ASAP2: variants seen among roughly 807,000 people sequenced by gnomAD.
The protein encoded by ASAP2 is arf-GAP with SH3 domain, ANK repeat and PH domain-containing protein 2.
Under a neutral mutation model 131.4 loss-of-function variants are expected in ASAP2, and 45 were observed. That is an observed-to-expected ratio of 0.34 (90% CI 0.27 to 0.44). ASAP2 has a LOEUF of 0.44. ASAP2 is among the 20% of genes least tolerant of loss of function. The pLI is 1.00. For missense variants in ASAP2, 1,011 were observed against 1,297.0 expected, an observed-to-expected ratio of 0.78 and a Z score of 3.39; for synonymous variants, 510 against 503.0, an observed-to-expected ratio of 1.01 and a Z score of -0.19.
intron 1 of ASAP2, 78 bp from the exon 2 acceptor site, chr2:9,279,239 T>C (rs1666965226): frequency 7.3e-7 from 1 of 1,369,866 alleles, no homozygotes. Context: ...GCAATCAGAG[T>C]GGCACTCAAC....
At chr2:9,305,534 GTAA>G (rs1572402278) in intron 3 of ASAP2, among the ~76,000 whole-genome samples, 2 of 146,066 alleles carry the variant, frequency 1.4e-5, no homozygotes, top group African/African-American at 2.5e-5. Flanking sequence ...TGGAGGGGCT[GTAA>G]TAGTGGGGTA....
chr2:9,222,786 G>A (rs1205873557), intron 1 of ASAP2, among the ~76,000 whole-genome samples: 3 of 152,110 alleles, frequency 2.0e-5, no homozygotes, highest in Non-Finnish European at 4.4e-5. Flanking sequence ...AGGAGAAATG[G>A]CCGTTCACCT....
intron 15 of ASAP2, among the ~76,000 whole-genome samples, chr2:9,365,010 A>G (rs1275383710): frequency 1.3e-5 from 2 of 152,108 alleles, no homozygotes; most frequent in East Asian, 1.9e-4. Context: ...GATTCTGAAC[A>G]TTTTTTAAAC....
intron 3 of ASAP2, among the ~76,000 whole-genome samples, chr2:9,316,850 G>A (rs1427744555): frequency 1.3e-5 from 2 of 151,932 alleles, no homozygotes; most frequent in African/African-American, 4.8e-5. Flanking sequence ...GGAGAAGAAT[G>A]GGGGCACCAA....
chr2:9,344,690 A>G (rs773219130), intron 10 of ASAP2, 41 bp from the exon 11 acceptor site: 1 of 1,613,004 alleles, frequency 6.2e-7, no homozygotes, highest in South Asian at 1.1e-5. Flanking sequence ...CTTGTGTCCA[A>G]AATGTCTAAA....
intron 11 of ASAP2, among the ~76,000 whole-genome samples, chr2:9,346,453 C>A (rs10206519): frequency 0.93 from 141,154 of 151,096 alleles, 66,518 homozygotes; most frequent in Non-Finnish European, 1. Flanking sequence ...AAAAAAAAAG[C>A]CATTCTTTCC....
intron 1 of ASAP2, among the ~76,000 whole-genome samples, chr2:9,274,085 T>C (rs1666587892): frequency 6.6e-6 from 1 of 152,230 alleles, no homozygotes; most frequent in Admixed American, 6.5e-5. Context: ...TTCACTGTAA[T>C]AATTATCTCA....
At chr2:9,302,722 G>A (rs771490426) in intron 3 of ASAP2, among the ~76,000 whole-genome samples, 1 of 152,038 alleles carries the variant, frequency 6.6e-6, no homozygotes, top group Non-Finnish European at 1.5e-5. Flanking sequence ...TGATCCACCC[G>A]CCTGGGTCTC....
intron 1 of ASAP2, among the ~76,000 whole-genome samples, chr2:9,259,412 G>T (rs942858580): frequency 1.3e-5 from 2 of 152,116 alleles, no homozygotes; most frequent in Non-Finnish European, 2.9e-5. Context: ...CGCTTCCTGC[G>T]CCCTGCTCTC....
chr2:9,328,059 A>G lies in ASAP2; in HGVS notation c.686+148A>G, dbSNP rs1392183361. On this transcript the variant is annotated intron_variant, in intron 7 of 27. Transcript: ENST00000281419. ...GCTGACTCATGCGACAACACGGGTA[A>G]ACATTGAGAACACGTTCAATGAAGG... 1.3e-5 allele frequency: 7 copies of G among 551,244 alleles called. No homozygotes were observed. The East Asian group carries it at 2.4e-4, about 19-fold the overall frequency. 34.1% of individuals were successfully genotyped at this position (551,244 alleles called of 1,614,324 possible).
rs1037457916 is a variant in ASAP2 at position 9,389,550 on chromosome 2, C to T, written c.2383+1004C>T. On this transcript the variant is annotated intron_variant, in intron 22 of 27. Transcript: ENST00000281419. This position sits in a 1 kb window ranked among gnomAD's most constrained non-coding sequence, Gnocchi z 4.7. ...CGGCTGCAGCTTTGTGCTGCACGTA[C>T]ACTCGGCTGTGCTGCTGGGCCCATC... 2.0e-5 allele frequency among the ~76,000 whole-genome samples: 3 copies of T among 152,242 alleles called. No individual in the cohort carries two copies. The highest frequency in any genetic ancestry group is 7.2e-5 in the African/African-American group (3 of 41,452).
chr2:9,358,968 T>C, intron 15 of ASAP2, 79 bp downstream of exon 15: 3 of 1,500,516 alleles, frequency 2.0e-6, no homozygotes, highest in Non-Finnish European at 1.8e-6. Context: ...TCTAATCCAT[T>C]TTGGTAAGCT....
At chr2:9,244,119 G>A (rs1383551065) in intron 1 of ASAP2, among the ~76,000 whole-genome samples, 1 of 152,076 alleles carries the variant, frequency 6.6e-6, no homozygotes, top group Non-Finnish European at 1.5e-5. Flanking sequence ...GGGCAACATG[G>A]TGAAACCCCT....
rs187075481 is a variant in ASAP2, at chr2:9,232,584, T to C, written c.126+25354T>C. Among the ~76,000 whole-genome samples, 63 of 152,360 alleles carry C rather than the reference T, an allele frequency of 4.1e-4. No homozygotes were observed. In the East Asian group the frequency reaches 9.6e-3, roughly 23 times the overall value. On this transcript the variant is annotated intron_variant, in intron 1 of 27. Transcript: ENST00000281419. The surrounding 1 kb of genome is among the most constrained non-coding windows in gnomAD (Gnocchi z 4.1). The stretch of plus-strand genomic sequence containing the variant: ...ATTTTCTATCTCCCCTTCTCCCCAT[T>C]AGATCATAAGCTTCCTGGGGGCAGG...
intron 1 of ASAP2, among the ~76,000 whole-genome samples, chr2:9,238,976 C>T (rs188311406): frequency 1.9e-4 from 29 of 152,288 alleles, no homozygotes; most frequent in Admixed American, 3.3e-4. Context: ...CTGGGCCTCC[C>T]GCAGCCTGGA....
At chr2:9,288,641 GA>G (rs1022484223) in intron 2 of ASAP2, among the ~76,000 whole-genome samples, 2 of 152,084 alleles carry the variant, frequency 1.3e-5, no homozygotes, top group African/African-American at 4.8e-5. Context: ...TCCATTAAAG[GA>G]TGTGAATATA....
intron 24 of ASAP2, chr2:9,399,490 CAT>C: frequency 6.5e-6 from 1 of 154,842 alleles, no homozygotes; most frequent in Non-Finnish European, 1.4e-5. Flanking sequence ...CTTCCTCACT[CAT>C]GTGTTTCTAC....
At chr2:9,257,886 A>G (rs746557811) in intron 1 of ASAP2, among the ~76,000 whole-genome samples, 4 of 152,188 alleles carry the variant, frequency 2.6e-5, no homozygotes, top group Admixed American at 6.5e-5. Flanking sequence ...ATCCTTACCT[A>G]TGTGGCCTTG....
At chr2:9,364,693 AAAGACG>A (rs1177727162) in intron 15 of ASAP2, among the ~76,000 whole-genome samples, 1 of 152,224 alleles carries the variant, frequency 6.6e-6, no homozygotes, top group African/African-American at 2.4e-5. Context: ...AAAGCTCCTC[AAAGACG>A]AAGAACTTAA....
Sources: allele counts gnomAD v4.1 joint callset (sites outside exome capture counted in the v4.1 genomes callset), GRCh38; gene constraint gnomAD v4.1.1; non-coding constraint Gnocchi (gnomAD v3.1); transcripts MANE v1.5; gene names NCBI Gene and HGNC (gene_info 2026-07-23, HGNC 2026-07-21).